SP100: variants seen among roughly 807,000 people sequenced by gnomAD.
SP100 encodes the protein nuclear autoantigen Sp-100.
In SP100, 84 loss-of-function variants were observed where a neutral mutation model predicts 130.0. The ratio of observed to expected loss-of-function variants is 0.65; its 90% CI spans 0.54 to 0.77. SP100 has a LOEUF of 0.77. Among genes scored for constraint, SP100 ranks in the 30% least tolerant of loss-of-function variants. The pLI is 0.00. For synonymous variants in SP100, 331 were observed against 351.7 expected (o/e 0.94, Z 0.66); for missense variants, 978 against 1,052.2 (o/e 0.93, Z 0.97).
At chr2:230,508,118 C>T in intron 23 of SP100, 87 bp downstream of exon 23, 4 of 1,547,652 alleles carry the variant, frequency 2.6e-6, no homozygotes, top group Non-Finnish European at 3.5e-6. Context: ...TTAAATTGAC[C>T]CATCATCATA....
At chr2:230,430,097 A>G (rs2063052945) in intron 2 of SP100, among the ~76,000 whole-genome samples, 1 of 152,174 alleles carries the variant, frequency 6.6e-6, no homozygotes. Flanking sequence ...CAGGCTTTAT[A>G]AGTTTGTTTC....
At chr2:230,516,620 A>T (rs1690928589) in intron 24 of SP100, 1 of 152,214 alleles carries the variant, frequency 6.6e-6, no homozygotes, top group African/African-American at 2.4e-5. Context: ...AGTTTTATCT[A>T]GTCTAACTAT....
At chr2:230,444,867 A>C (rs2063634091) in intron 4 of SP100, among the ~76,000 whole-genome samples, 1 of 152,152 alleles carries the variant, frequency 6.6e-6, no homozygotes, top group South Asian at 2.1e-4. Flanking sequence ...GACCACAACT[A>C]TGGCTTCCCC....
Position 230,473,352 on chromosome 2 carries a change from G to T in SP100, c.1458G>T (p.Lys486Asn), listed in dbSNP as rs2149999650. 6.2e-7 allele frequency: 1 copy of T among 1,613,544 alleles called. No homozygotes were observed. The highest frequency in any genetic ancestry group is 8.5e-7 in the Non-Finnish European group (1 of 1,179,562). The change falls in exon 16 of 29, where the codon AAG (lysine) becomes AAT (asparagine). Residue 486 changes from lysine to asparagine, a missense_variant. Lys to Asn is a moderately conservative substitution (Grantham distance 94). Coordinates refer to ENST00000340126, the MANE Select transcript of SP100 (RefSeq NM_001080391.2). ...SGSQPQEPENKKCSCVMCFPK... is the reference protein window; with the variant it reads ...SGSQPQEPENNKCSCVMCFPK... ...CACAGCCACAAGAACCTGAAAATAA[G>T]AAGTGCTCCTGTGTCATGTGTTTTC...
chr2:230,511,138 C>A lies in SP100; in HGVS notation c.2066C>A (p.Ser689Tyr). The A allele has an allele frequency of 2.5e-6, 4 of 1,608,920 alleles. No individual in the cohort carries two copies. In the South Asian group the frequency reaches 4.4e-5, roughly 18 times the overall value. ...TTTTTTCAACAGAGAATACTGGAAT[C>A]TCACAACAATACCTTAGTTGACCCT... Reference protein sequence around the residue: ...PSTRKKRILESHNNTLVDPCP... With the variant: ...PSTRKKRILEYHNNTLVDPCP... The change falls in exon 24 of 29, where the codon TCT becomes TAT. Residue 689 changes from serine (S) to tyrosine (Y), a missense_variant. Ser to Tyr is a moderately radical substitution (Grantham distance 144). Coordinates refer to ENST00000340126, the MANE Select transcript of SP100 (RefSeq NM_001080391.2).
intron 2 of SP100, among the ~76,000 whole-genome samples, chr2:230,442,603 G>A (rs1184033875): frequency 6.6e-6 from 1 of 151,734 alleles, no homozygotes; most frequent in Non-Finnish European, 1.5e-5. Context: ...ATTTCTCTGT[G>A]GATGACCTGT....
intron 22 of SP100, chr2:230,506,812 CACACACACACACATATTTA>C: frequency 9.6e-5 from 15 of 155,882 alleles, no homozygotes; most frequent in East Asian, 1.8e-4. Flanking sequence ...CACACACACA[CACACACACACACATATTTA>C]ACATATATAT....
intron 2 of SP100, among the ~76,000 whole-genome samples, chr2:230,438,646 TATACACACAC>T (rs1275744371): frequency 2.0e-5 from 2 of 98,954 alleles, no homozygotes; most frequent in Non-Finnish European, 4.8e-5. Context: ...GGTGTATATA[TATACACACAC>T]ACACACACAC....
At position 230,511,112 on chromosome 2, in the gene SP100, T is replaced by C; in HGVS notation, c.2053-13T>C. ...ACTCAATATTGTACCAATCTTTCTG[T>C]TTTTTTCAACAGAGAATACTGGAAT... On this transcript the variant is annotated splice_polypyrimidine_tract_variant and intron_variant, in intron 23 of 28. Transcript: ENST00000340126. The C allele has an allele frequency of 1.3e-6, 2 of 1,587,394 alleles. No individual in the cohort carries two copies. Among genetic ancestry groups the C allele is most frequent in the Non-Finnish European group, 1.7e-6 (2 of 1,155,924 alleles).
At chr2:230,461,123 A>T in intron 8 of SP100, 139 bp from the exon 9 acceptor site, 1 of 724,372 alleles carries the variant, frequency 1.4e-6, no homozygotes, top group Non-Finnish European at 2.3e-6. Flanking sequence ...GAAGGGACAG[A>T]GTTGAGCAAA....
chr2:230,500,153 T>C (rs538492629), intron 19 of SP100, among the ~76,000 whole-genome samples: 2 of 152,342 alleles, frequency 1.3e-5, no homozygotes, highest in Non-Finnish European at 2.9e-5. Context: ...ATATATATTT[T>C]AAAATAACTT....
At chr2:230,505,915 T>C (rs569680797) in intron 21 of SP100, among the ~76,000 whole-genome samples, 34 of 152,308 alleles carry the variant, frequency 2.2e-4, no homozygotes, top group Admixed American at 1.9e-3. Flanking sequence ...GAGGGCTTTA[T>C]GCCTTCATCC....
intron 2 of SP100, among the ~76,000 whole-genome samples, chr2:230,435,424 T>C (rs1183529907): frequency 6.6e-6 from 1 of 152,214 alleles, no homozygotes; most frequent in African/African-American, 2.4e-5. Context: ...CTCTTTTATA[T>C]CTGTATTGCT....
rs75589735 is a variant in SP100, at chr2:230,481,302, C to G, written c.1600+6855C>G. On this transcript the variant is annotated intron_variant, in intron 17 of 28. Transcript: ENST00000340126. ...CTGAAGTCTAACAGGTGTCTTAAAT[C>G]TGATGTGTCAAGCACATTTCTTGAT... 2.0e-4 allele frequency among the ~76,000 whole-genome samples: 31 copies of G among 152,278 alleles called. No homozygotes were observed. The East Asian group carries it at 6.0e-3, about 29-fold the overall frequency.
At chr2:230,507,265 A>G (rs1317597755) in intron 22 of SP100, 2 of 152,334 alleles carry the variant, frequency 1.3e-5, no homozygotes, top group Non-Finnish European at 2.9e-5. Flanking sequence ...AGGAGGGGTA[A>G]ACCAGTCCAG....
At position 230,540,949 on chromosome 2, in the gene SP100, C is replaced by G. The variant is rs1354610519; in HGVS notation, c.2284C>G (p.Gln762Glu). 6.2e-7 allele frequency: 1 copy of G among 1,613,702 alleles called. No individual in the cohort carries two copies. The highest frequency in any genetic ancestry group is 8.5e-7 in the Non-Finnish European group (1 of 1,179,684). ...ATGCCCAGAAAGCCAATCAGGTCAT[C>G]AGGAATCTGAAGTCCTGATGAGGCA... is the stretch of plus-strand genomic sequence containing the variant. The part of the protein sequence containing the change: ...ERCPESQSGH[Q>E]ESEVLMRQML... The change falls in exon 26 of 29, where the codon CAG (glutamine) becomes GAG (glutamate). Residue 762 changes from glutamine to glutamate, a missense_variant. Physicochemically the swap from Gln to Glu is conservative, Grantham distance 29. Transcript: ENST00000340126.
Position 230,466,298 on chromosome 2 carries a change from C to T in SP100, c.1142-3C>T, listed in dbSNP as rs768117002. 65 of 1,552,092 alleles carry T rather than the reference C, an allele frequency of 4.2e-5. No individual in the cohort carries two copies. The Admixed American group carries it at 1.1e-3, about 25-fold the overall frequency. On this transcript the variant is annotated splice_region_variant and splice_polypyrimidine_tract_variant and intron_variant, in intron 11 of 28. Coordinates refer to ENST00000340126, the MANE Select transcript of SP100 (RefSeq NM_001080391.2). ...TAACGGGTTTCTCCCTTTTACTTTA[C>T]AGAGCCCATGGATTTCAGAAAATTA...
At chr2:230,468,605 G>T (rs1310764213) in intron 13 of SP100, among the ~76,000 whole-genome samples, 1 of 152,026 alleles carries the variant, frequency 6.6e-6, no homozygotes, top group Admixed American at 6.6e-5. Context: ...TTGAGCCCAG[G>T]AGTTCAAGAC....
chr2:230,501,684 C>A (rs1047289203), intron 19 of SP100, among the ~76,000 whole-genome samples: 6 of 151,940 alleles, frequency 3.9e-5, no homozygotes, highest in Non-Finnish European at 8.8e-5. Flanking sequence ...GCTTGCAGGA[C>A]CCAAATCCAC....
Sources: allele counts gnomAD v4.1 joint callset (sites outside exome capture counted in the v4.1 genomes callset), GRCh38; gene constraint gnomAD v4.1.1; transcripts MANE v1.5; gene names NCBI Gene and HGNC (gene_info 2026-07-23, HGNC 2026-07-21).